Variants in SH3GL3 observed in about 807,000 individuals in gnomAD.
The protein encoded by SH3GL3 is endophilin-A3.
In SH3GL3, 33 loss-of-function variants were observed where a neutral mutation model predicts 47.7. The ratio of observed to expected loss-of-function variants is 0.69; its 90% CI spans 0.52 to 0.92. The LOEUF is 0.92. Among genes scored for constraint, SH3GL3 ranks in the 40% least tolerant of loss-of-function variants. The probability of loss-of-function intolerance (pLI) is 0.00; values close to 1 mark genes in which losing one functional copy is unlikely to be tolerated. For synonymous variants in SH3GL3, 155 were observed against 148.8 expected, an observed-to-expected ratio of 1.04 and a Z score of -0.30; for missense variants, 363 against 417.8, an observed-to-expected ratio of 0.87 and a Z score of 1.14.
the SH3GL3 span, among the ~76,000 whole-genome samples, chr15:83,631,013 G>A: frequency 4.4e-3 from 672 of 152,218 alleles, 3 homozygotes; most frequent in African/African-American, 0.014. Context: ...AGTAACTAAC[G>A]GGTATAGGCA....
At chr15:83,470,895 G>A (rs944557396) in intron 1 of SH3GL3, among the ~76,000 whole-genome samples, 13 of 152,106 alleles carry the variant, frequency 8.5e-5, no homozygotes, top group African/African-American at 3.1e-4. Context: ...CAAGTGAAGT[G>A]TAGAAAACTA....
chr15:83,588,562 G>C, intron 7 of SH3GL3, 100 bp from the exon 8 acceptor site: 1 of 744,356 alleles, frequency 1.3e-6, no homozygotes. Context: ...ATGACCACTG[G>C]CTGTAACCTA....
At chr15:83,474,312 A>C (rs1295458927) in intron 1 of SH3GL3, among the ~76,000 whole-genome samples, 2 of 152,150 alleles carry the variant, frequency 1.3e-5, no homozygotes, top group Admixed American at 6.5e-5. Flanking sequence ...TTGGGGCCTG[A>C]ATGTCCTGCT....
At chr15:83,583,786 CAGAAG>C (rs1463258790) in intron 6 of SH3GL3, among the ~76,000 whole-genome samples, 9 of 152,032 alleles carry the variant, frequency 5.9e-5, no homozygotes, top group Non-Finnish European at 1.3e-4. Flanking sequence ...GGTTATCCCT[CAGAAG>C]AGAGTGAGGA....
At chr15:83,594,482 T>C (rs962415518) in intron 8 of SH3GL3, among the ~76,000 whole-genome samples, 8 of 152,344 alleles carry the variant, frequency 5.3e-5, no homozygotes, top group Admixed American at 2.0e-4. Flanking sequence ...ATAATGAACA[T>C]ATATTTATAT....
chr15:83,480,549 C>T (rs1049781711), intron 1 of SH3GL3, among the ~76,000 whole-genome samples: 43 of 152,320 alleles, frequency 2.8e-4, no homozygotes, highest in African/African-American at 1.0e-3. Flanking sequence ...GTGTCTCTCA[C>T]GGTGGCTGAG....
chr15:83,483,050 T>C (rs1156545446), intron 1 of SH3GL3, among the ~76,000 whole-genome samples: 1 of 152,176 alleles, frequency 6.6e-6, no homozygotes. Context: ...TTTCTTATGG[T>C]CATACTTACT....
rs2045661326 is a variant in SH3GL3, at chr15:83,568,507, T to C, written c.188-22T>C. ...ACTCCACCTTGTAACTTTAAAGAAT[T>C]ACAAATGACAATGTTTTTAAGCATA... is the stretch of plus-strand genomic sequence containing the variant. On this transcript the variant is annotated intron_variant, in intron 3 of 8. Transcript: ENST00000427482. 3 of 1,604,542 alleles carry C rather than the reference T, an allele frequency of 1.9e-6. No homozygotes were observed. The South Asian group carries it at 3.3e-5, about 18-fold the overall frequency.
At chr15:83,625,894 A>G in the SH3GL3 span, among the ~76,000 whole-genome samples, 1 of 152,082 alleles carries the variant, frequency 6.6e-6, no homozygotes. Context: ...GTGCAGTGGC[A>G]TGATCTTGGC....
At chr15:83,516,760 A>G (rs1380049120) in intron 1 of SH3GL3, among the ~76,000 whole-genome samples, 1 of 152,108 alleles carries the variant, frequency 6.6e-6, no homozygotes, top group African/African-American at 2.4e-5. Flanking sequence ...TGGGGATTAC[A>G]ATTGAACATG....
chr15:83,574,619 G>A (rs1288318854), intron 5 of SH3GL3, among the ~76,000 whole-genome samples: 1 of 152,134 alleles, frequency 6.6e-6, no homozygotes, highest in Non-Finnish European at 1.5e-5. Flanking sequence ...TTTCTGAGCT[G>A]CAAACCTTCC....
chr15:83,506,154 A>AG (rs572494837), intron 1 of SH3GL3, among the ~76,000 whole-genome samples: 21 of 152,300 alleles, frequency 1.4e-4, no homozygotes, highest in African/African-American at 4.8e-4. Context: ...AATCCTGTTT[A>AG]GAAAGGCATC....
chr15:83,476,283 T>A (rs1161487418), intron 1 of SH3GL3, among the ~76,000 whole-genome samples: 3 of 152,208 alleles, frequency 2.0e-5, no homozygotes, highest in Non-Finnish European at 4.4e-5. Context: ...CCAAGGCAAG[T>A]ACAGTACAGT....
At position 83,588,716 on chromosome 15, in the gene SH3GL3, A is replaced by C; in HGVS notation, c.783A>C (p.Lys261Asn). The change falls in exon 8 of 9, where the codon AAA becomes AAC. Residue 261 changes from lysine to asparagine, a missense_variant. Transcript: ENST00000427482. ...GAGAATACAAGCCAAGGCCTGTGAA[A>C]AGGAGTTCTAGTGAGCTCAATGGAG... ...PRREYKPRPVKRSSSELNGVS... is the reference protein window; with the variant it reads ...PRREYKPRPVNRSSSELNGVS... 1.2e-6 allele frequency: 2 copies of C among 1,613,536 alleles called. No homozygotes were observed. The highest frequency in any genetic ancestry group is 2.2e-5 in the South Asian group (2 of 91,070).
chr15:83,447,679 C>G lies in SH3GL3; in HGVS notation c.45+101C>G. 1 of 813,498 alleles carries G rather than the reference C, an allele frequency of 1.2e-6. No homozygotes were observed. The highest frequency in any genetic ancestry group is 3.4e-5 in the East Asian group (1 of 29,508). 50.4% of individuals were successfully genotyped at this position (813,498 alleles called of 1,614,324 possible). Reference sequence around the variant, plus strand: ...GACTCCTGTTCCCTGAAGGGCCTCTCTCGGGGCTCAATTTCTTCCCGCCTA... The same window carrying G: ...GACTCCTGTTCCCTGAAGGGCCTCTGTCGGGGCTCAATTTCTTCCCGCCTA... On this transcript the variant is annotated intron_variant, in intron 1 of 8. Coordinates refer to ENST00000427482, the MANE Select transcript of SH3GL3 (RefSeq NM_003027.5). This position sits in a 1 kb window ranked among gnomAD's most constrained non-coding sequence, Gnocchi z 5.1.
At chr15:83,504,194 A>G (rs925324933) in intron 1 of SH3GL3, among the ~76,000 whole-genome samples, 2 of 152,262 alleles carry the variant, frequency 1.3e-5, no homozygotes, top group African/African-American at 4.8e-5. Flanking sequence ...TAGAATATAA[A>G]TGTACAGCTT....
chr15:83,469,007 T>C (rs1448725207), intron 1 of SH3GL3, among the ~76,000 whole-genome samples: 1 of 152,140 alleles, frequency 6.6e-6, no homozygotes, highest in Non-Finnish European at 1.5e-5. Flanking sequence ...ATGTCCTTAA[T>C]AGTGATATAG....
At chr15:83,495,850 C>T (rs368005504) in intron 1 of SH3GL3, among the ~76,000 whole-genome samples, 21 of 152,192 alleles carry the variant, frequency 1.4e-4, no homozygotes, top group Non-Finnish European at 2.9e-4. Context: ...GAAATTTGTA[C>T]ATCAAAGGAT....
intron 7 of SH3GL3, among the ~76,000 whole-genome samples, chr15:83,587,420 A>G (rs2059983007): frequency 6.6e-6 from 1 of 151,306 alleles, no homozygotes; most frequent in Admixed American, 6.6e-5. Context: ...CCCTGGCTTC[A>G]TTGCTGATTT....
Sources: gnomAD v4.1 joint callset for allele counts (sites outside exome capture counted in the v4.1 genomes callset) on GRCh38, gnomAD v4.1.1 for gene constraint, Gnocchi (gnomAD v3.1) non-coding constraint, MANE v1.5 for transcripts, NCBI Gene and HGNC (gene_info 2026-07-23, HGNC 2026-07-21) for gene names.